Variants in ANKRD52 observed in about 807,000 individuals in gnomAD.
ANKRD52 encodes the protein serine/threonine-protein phosphatase 6 regulatory ankyrin repeat subunit C.
A neutral mutation model predicts 116.0 loss-of-function variants in ANKRD52; 7 were observed. The ratio of observed to expected loss-of-function variants is 0.06; its 90% CI spans 0.03 to 0.11. The LOEUF (loss-of-function observed/expected upper bound fraction) is 0.11. Ranked by LOEUF, ANKRD52 falls within the 10% of genes least tolerant of loss-of-function variation. ANKRD52 has a pLI of 1.00. For synonymous variants in ANKRD52, 528 were observed against 578.1 expected, an observed-to-expected ratio of 0.91 and a Z score of 1.24; for missense variants, 839 against 1,408.6, an observed-to-expected ratio of 0.60 and a Z score of 6.47.
At position 56,255,383 on chromosome 12, in the gene ANKRD52, G is replaced by C. The variant is rs374084052; in HGVS notation, c.462+401C>G. 6.6e-6 allele frequency among the ~76,000 whole-genome samples: 1 copy of C among 152,198 alleles called. No homozygotes were observed. Among genetic ancestry groups the C allele is most frequent in the African/African-American group, 2.4e-5 (1 of 41,520 alleles). On this transcript the variant is annotated intron_variant, in intron 5 of 27. Transcript: ENST00000267116. This position sits in a 1 kb window ranked among gnomAD's most constrained non-coding sequence, Gnocchi z 4.3. ...TTTTTTGTATTTTTAGTAGAGACAGGGTTTCACCATGTTAGCCAGGATGAT... is the reference window on the plus strand; with the variant it reads ...TTTTTTGTATTTTTAGTAGAGACAGCGTTTCACCATGTTAGCCAGGATGAT...
At position 56,243,147 on chromosome 12, in the gene ANKRD52, C is replaced by T; in HGVS notation, c.3226G>A (p.Glu1076Lys). 6.3e-7 allele frequency: 1 copy of T among 1,595,118 alleles called. No individual in the cohort carries two copies. The highest frequency in any genetic ancestry group is 8.5e-7 in the Non-Finnish European group (1 of 1,169,770). The part of the protein sequence containing the change: ...GAIGLDGCYS[E>K] ...GGGAGGGACACTGGAGGGGGCTACT[C>T]AGAGTAGCAGCCATCTAACCCAATG... The change falls in exon 28 of 28, where the codon GAG becomes AAG. Residue 1076 changes from glutamate (E) to lysine (K), a missense_variant. Physicochemically the swap from Glu to Lys is moderately conservative, Grantham distance 56. This residue lies in a region of ANKRD52 where 552 missense variants were observed against 810.6 expected (regional missense o/e 0.68). Coordinates refer to ENST00000267116, the MANE Select transcript of ANKRD52 (RefSeq NM_173595.4). This position sits in a 1 kb window ranked among gnomAD's most constrained non-coding sequence, Gnocchi z 4.6.
In ANKRD52 at chr12:56,242,611, CT is replaced by C. The variant is rs988328616; in HGVS notation, c.*530del. The C allele has an allele frequency of 5.8e-6, 1 of 171,442 alleles. No homozygotes were observed. The highest frequency in any genetic ancestry group is 2.4e-5 in the African/African-American group (1 of 42,006). The allele number at this position is 171,442 out of a possible 1,614,324, so 10.6% of individuals were successfully genotyped here. A position where few individuals can be genotyped will look rare whatever the true frequency, so the allele number is the denominator to read the frequency against. On this transcript the variant is annotated 3_prime_UTR_variant, in exon 28 of 28. Transcript: ENST00000267116. The surrounding 1 kb of genome is among the most constrained non-coding windows in gnomAD (Gnocchi z 4.3). ...GCCCCAGTGCTAAATATCCTCCCCC[CT>C]CATCCTCTAGCTGCCCCTGAAGGGG...
rs1871815271 is a variant in ANKRD52 at position 56,253,866 on chromosome 12, A to G, written c.907-66T>C. 1 of 1,527,588 alleles carries G rather than the reference A, an allele frequency of 6.5e-7. No individual in the cohort carries two copies. Among genetic ancestry groups the G allele is most frequent in the Non-Finnish European group, 9.0e-7 (1 of 1,105,606 alleles). 94.6% of individuals were successfully genotyped at this position (1,527,588 alleles called of 1,614,324 possible). A position where few individuals can be genotyped will look rare whatever the true frequency, so the allele number is the denominator to read the frequency against. ...CAGTGCAAAGCACAGAGAATGCCCT[A>G]CCTCCCTTCCAAGGACATATCTCTA... is the stretch of plus-strand genomic sequence containing the variant. On this transcript the variant is annotated intron_variant, in intron 8 of 27. Coordinates refer to ENST00000267116, the MANE Select transcript of ANKRD52 (RefSeq NM_173595.4). The surrounding 1 kb of genome is among the most constrained non-coding windows in gnomAD (Gnocchi z 5.5).
In ANKRD52 at chr12:56,244,252, A is replaced by G. The variant is rs1592386864; in HGVS notation, c.2805+101T>C. The G allele has an allele frequency of 6.6e-7, 1 of 1,523,072 alleles. No individual in the cohort carries two copies. Among genetic ancestry groups the G allele is most frequent in the Non-Finnish European group, 9.1e-7 (1 of 1,101,836 alleles). The allele number at this position is 1,523,072 out of a possible 1,614,324, so 94.3% of individuals were successfully genotyped here. A position where few individuals can be genotyped will look rare whatever the true frequency, so the allele number is the denominator to read the frequency against. ...CTGCCCAACCAGTCGGATAGGCTGG[A>G]CAATCCTCACTTCTGCCCCAGTCCC... On this transcript the variant is annotated intron_variant, in intron 25 of 27. Transcript: ENST00000267116. This position sits in a 1 kb window ranked among gnomAD's most constrained non-coding sequence, Gnocchi z 4.9.
chr12:56,254,967 G>A lies in ANKRD52; in HGVS notation c.463-15C>T, dbSNP rs1220638787. 1 of 1,607,626 alleles carries A rather than the reference G, an allele frequency of 6.2e-7. No individual in the cohort carries two copies. Among genetic ancestry groups the A allele is most frequent in the African/African-American group, 1.3e-5 (1 of 74,944 alleles). ...AGGTTCACCGTCTGCATCAGGATAT[G>A]AAAGACACCTGTTCAGAGCTAGATT... is the stretch of plus-strand genomic sequence containing the variant. On this transcript the variant is annotated splice_polypyrimidine_tract_variant and intron_variant, in intron 5 of 27. Coordinates refer to ENST00000267116, the MANE Select transcript of ANKRD52 (RefSeq NM_173595.4). The surrounding 1 kb of genome is among the most constrained non-coding windows in gnomAD (Gnocchi z 4.6).
In ANKRD52 at chr12:56,248,918, G is replaced by T; in HGVS notation, c.1593-48C>A. ...TGAGGCAGGGACAGGCCCAGCCCAG[G>T]AGGGCACAGTTCTGGGAGGGCCAGA... On this transcript the variant is annotated intron_variant, in intron 15 of 27. Coordinates refer to ENST00000267116, the MANE Select transcript of ANKRD52 (RefSeq NM_173595.4). The surrounding 1 kb of genome is among the most constrained non-coding windows in gnomAD (Gnocchi z 5.1). The T allele has an allele frequency of 1.4e-6, 2 of 1,402,536 alleles. No individual in the cohort carries two copies. The highest frequency in any genetic ancestry group is 1.9e-6 in the Non-Finnish European group (2 of 1,026,330). 86.9% of individuals were successfully genotyped at this position (1,402,536 alleles called of 1,614,324 possible).
At position 56,245,262 on chromosome 12, in the gene ANKRD52, C is replaced by T. The variant is rs1010826074; in HGVS notation, c.2405-72G>A. 4 of 1,600,462 alleles carry T rather than the reference C, an allele frequency of 2.5e-6. No individual in the cohort carries two copies. The African/African-American group carries it at 4.0e-5, about 16-fold the overall frequency. On this transcript the variant is annotated intron_variant, in intron 21 of 27. Coordinates refer to ENST00000267116, the MANE Select transcript of ANKRD52 (RefSeq NM_173595.4). ...TCCCTGTCTGTCCTGTGTCTTGACA[C>T]TCCATTCCACTTCCAGATTCAGATC...
intron 20 of ANKRD52, among the ~76,000 whole-genome samples, chr12:56,246,546 C>T (rs1871407241): frequency 6.6e-6 from 1 of 151,850 alleles, no homozygotes; most frequent in Non-Finnish European, 1.5e-5. Context: ...TAGGTTGTGG[C>T]GACATTATGC....
Position 56,255,766 on chromosome 12 carries a change from G to T in ANKRD52, c.462+18C>A. ...AAAGGGAAAGCCCCAGCTGGGCCTG[G>T]ATGGGAACAGTCCTCACCTCAAGAT... On this transcript the variant is annotated intron_variant, in intron 5 of 27. Coordinates refer to ENST00000267116, the MANE Select transcript of ANKRD52 (RefSeq NM_173595.4). This position sits in a 1 kb window ranked among gnomAD's most constrained non-coding sequence, Gnocchi z 4.3. 1 of 1,544,252 alleles carries T rather than the reference G, an allele frequency of 6.5e-7. No individual in the cohort carries two copies. Among genetic ancestry groups the T allele is most frequent in the Non-Finnish European group, 8.8e-7 (1 of 1,136,540 alleles).
At position 56,248,288 on chromosome 12, in the gene ANKRD52, C is replaced by G; in HGVS notation, c.1777-64G>C. 6.3e-7 allele frequency: 1 copy of G among 1,579,796 alleles called. No homozygotes were observed. The highest frequency in any genetic ancestry group is 1.1e-5 in the South Asian group (1 of 89,898). The stretch of plus-strand genomic sequence containing the variant: ...CCTTCCCTGCTCCTCCCTTCCCCTT[C>G]TCTGCTCTTGGGGTCCCTGGGAAGC... On this transcript the variant is annotated intron_variant, in intron 17 of 27. Coordinates refer to ENST00000267116, the MANE Select transcript of ANKRD52 (RefSeq NM_173595.4). This position sits in a 1 kb window ranked among gnomAD's most constrained non-coding sequence, Gnocchi z 5.1.
In ANKRD52 at chr12:56,241,531, C is replaced by T. The variant is rs996782277; in HGVS notation, c.*1611G>A. 3 of 155,480 alleles carry T rather than the reference C, an allele frequency of 1.9e-5. No homozygotes were observed. Among genetic ancestry groups the T allele is most frequent in the African/African-American group, 4.8e-5 (2 of 41,584 alleles). The allele number at this position is 155,480 out of a possible 1,614,324, so 9.6% of individuals were successfully genotyped here. ...GTAGGGGAGGGAGGCTGAAGGATCC[C>T]CCCTCAGGGGAGACCCTGTACTGTG... On this transcript the variant is annotated 3_prime_UTR_variant, in exon 28 of 28. Transcript: ENST00000267116.
At chr12:56,256,921 T>C in intron 4 of ANKRD52, 94 bp downstream of exon 4, 2 of 1,357,024 alleles carry the variant, frequency 1.5e-6, no homozygotes, top group Non-Finnish European at 2.0e-6. Flanking sequence ...TAGAACAGCT[T>C]GTAGGGCTGA....
chr12:56,237,886 A>G lies in ANKRD52; in HGVS notation c.*5256T>C. ...AGTTGTACTTGCACCAAAACAGCAT[A>G]GAAAACCAGAGTGTGGTGGGAGGAC... On this transcript the variant is annotated 3_prime_UTR_variant, in exon 28 of 28. Transcript: ENST00000267116. The G allele has an allele frequency of 1.0e-6, 1 of 981,730 alleles. No individual in the cohort carries two copies. Among genetic ancestry groups the G allele is most frequent in the Non-Finnish European group, 1.4e-6 (1 of 705,726 alleles). The allele number at this position is 981,730 out of a possible 1,614,324, so 60.8% of individuals were successfully genotyped here. A position where few individuals can be genotyped will look rare whatever the true frequency, so the allele number is the denominator to read the frequency against.
rs73324307 is a variant in ANKRD52, at chr12:56,256,067, G to A, written c.262-83C>T. On this transcript the variant is annotated intron_variant, in intron 4 of 27. Transcript: ENST00000267116. ...ATGGAAGGAGGAATAGGTCAGCATA[G>A]CATCTACAGCCCCTTCCCCAGCACA... 502 of 1,335,008 alleles carry A rather than the reference G, an allele frequency of 3.8e-4. 4 individuals carry two copies. The African/African-American group carries it at 6.1e-3, about 16-fold the overall frequency. The allele number at this position is 1,335,008 out of a possible 1,614,324, so 82.7% of individuals were successfully genotyped here. A position where few individuals can be genotyped will look rare whatever the true frequency, so the allele number is the denominator to read the frequency against.
In ANKRD52 at chr12:56,242,138, C is replaced by T. The variant is rs1466601661; in HGVS notation, c.*1004G>A. 1.0e-5 allele frequency: 4 copies of T among 398,504 alleles called. No individual in the cohort carries two copies. Among genetic ancestry groups the T allele is most frequent in the South Asian group, 1.3e-4 (1 of 7,854 alleles). The allele number at this position is 398,504 out of a possible 1,614,324, so 24.7% of individuals were successfully genotyped here. On this transcript the variant is annotated 3_prime_UTR_variant, in exon 28 of 28. Coordinates refer to ENST00000267116, the MANE Select transcript of ANKRD52 (RefSeq NM_173595.4). This position sits in a 1 kb window ranked among gnomAD's most constrained non-coding sequence, Gnocchi z 4.3. ...GAGCACAGATAAACTATGGGCTTGGCGGCACAGGAGGAAGAACATGGTCCC... is the reference window on the plus strand; with the variant it reads ...GAGCACAGATAAACTATGGGCTTGGTGGCACAGGAGGAAGAACATGGTCCC...
chr12:56,248,807 T>C lies in ANKRD52; in HGVS notation c.1656A>G (p.Thr552=). The C allele has an allele frequency of 6.2e-7, 1 of 1,611,440 alleles. No homozygotes were observed. Among genetic ancestry groups the C allele is most frequent in the Non-Finnish European group, 8.5e-7 (1 of 1,179,002 alleles). Residue 552 remains threonine (T), a synonymous_variant, in exon 16 of 28, where the codon ACA becomes ACG. Coordinates refer to ENST00000267116, the MANE Select transcript of ANKRD52 (RefSeq NM_173595.4). The surrounding 1 kb of genome is among the most constrained non-coding windows in gnomAD (Gnocchi z 5.1). The part of the protein sequence containing the change: ...DPSLRDRQGY[T]AVHYAAAYGN... The stretch of plus-strand genomic sequence containing the variant: ...CATAGGCGGCTGCATAGTGCACAGC[T>C]GTGTAGCCCTGCCTGTCCCGCAGGG...
rs1871129513 is a variant in ANKRD52 at position 56,240,681 on chromosome 12, T to TG, written c.*2460dup. The TG allele has an allele frequency of 6.6e-6, 1 of 152,114 alleles. No homozygotes were observed. The highest frequency in any genetic ancestry group is 2.1e-4 in the South Asian group (1 of 4,816). The allele number at this position is 152,114 out of a possible 1,614,324, so 9.4% of individuals were successfully genotyped here. On this transcript the variant is annotated 3_prime_UTR_variant, in exon 28 of 28. Coordinates refer to ENST00000267116, the MANE Select transcript of ANKRD52 (RefSeq NM_173595.4). This position sits in a 1 kb window ranked among gnomAD's most constrained non-coding sequence, Gnocchi z 4.2. The stretch of plus-strand genomic sequence containing the variant: ...AACACTAGGGCTGGGGAGCCCAGGG[T>TG]GGGGCGTGGGGTTTCCTTTGGCATA...
In ANKRD52 at chr12:56,246,189, C is replaced by T. The variant is rs145709320; in HGVS notation, c.2185-593G>A. ...GGATTATAGGCATGCACCACCATGCCCAATTAATTTTTGTATTTTTAGTAG... is the reference window on the plus strand; with the variant it reads ...GGATTATAGGCATGCACCACCATGCTCAATTAATTTTTGTATTTTTAGTAG... On this transcript the variant is annotated intron_variant, in intron 20 of 27. Coordinates refer to ENST00000267116, the MANE Select transcript of ANKRD52 (RefSeq NM_173595.4). Among the ~76,000 whole-genome samples the T allele has an allele frequency of 6.1e-3, 927 of 152,164 alleles. 13 individuals carry two copies. The highest frequency in any genetic ancestry group is 0.022 in the African/African-American group (898 of 41,498).
At position 56,240,179 on chromosome 12, in the gene ANKRD52, T is replaced by A. The variant is rs747178807; in HGVS notation, c.*2963A>T. 2.2e-4 allele frequency: 34 copies of A among 152,242 alleles called. No homozygotes were observed. The highest frequency in any genetic ancestry group is 4.4e-4 in the Non-Finnish European group (30 of 68,148). 9.4% of individuals were successfully genotyped at this position (152,242 alleles called of 1,614,324 possible). On this transcript the variant is annotated 3_prime_UTR_variant, in exon 28 of 28. Coordinates refer to ENST00000267116, the MANE Select transcript of ANKRD52 (RefSeq NM_173595.4). The surrounding 1 kb of genome is among the most constrained non-coding windows in gnomAD (Gnocchi z 4.2). ...CAGTGGACAGTGGCAGTGACCCGGGTCTGCTGGTCCTTCCTGGGACCCACG... is the reference window on the plus strand; with the variant it reads ...CAGTGGACAGTGGCAGTGACCCGGGACTGCTGGTCCTTCCTGGGACCCACG...
Sources: allele counts gnomAD v4.1 joint callset (sites outside exome capture counted in the v4.1 genomes callset), GRCh38; gene constraint gnomAD v4.1.1; regional missense constraint gnomAD v4.1.1; non-coding constraint Gnocchi (gnomAD v3.1); transcripts MANE v1.5; gene names NCBI Gene and HGNC (gene_info 2026-07-23, HGNC 2026-07-21).